NADK: variants seen among roughly 807,000 people sequenced by gnomAD.
The protein encoded by NADK is NAD kinase, also known as poly(P)/ATP NAD kinase.
Under a neutral mutation model 49.8 loss-of-function variants are expected in NADK, and 22 were observed. That is an observed-to-expected ratio of 0.44 (90% CI 0.32 to 0.63). The LOEUF is 0.63. Among genes scored for constraint, NADK ranks in the 30% least tolerant of loss-of-function variants. The probability of loss-of-function intolerance (pLI) is 0.06; values close to 1 mark genes in which losing one functional copy is unlikely to be tolerated. For synonymous variants in NADK, 268 were observed against 253.7 expected, an observed-to-expected ratio of 1.06 and a Z score of -0.54; for missense variants, 438 against 609.4, an observed-to-expected ratio of 0.72 and a Z score of 2.96.
At chr1:1,758,973 G>GC (rs1645625080) in intron 3 of NADK, 1 of 1,241,976 alleles carries the variant, frequency 8.1e-7, no homozygotes, top group Non-Finnish European at 1.1e-6. Flanking sequence ...CTAGCCCGCT[G>GC]CGTCACTCTG....
chr1:1,753,887 G>A (rs937519034), intron 10 of NADK, among the ~76,000 whole-genome samples, 164 bp downstream of exon 10: 4 of 152,250 alleles, frequency 2.6e-5, no homozygotes, highest in South Asian at 2.1e-4. Flanking sequence ...TCGGGCACCA[G>A]CAAGGGAAGG....
chr1:1,756,517 C>CAG lies in NADK; in HGVS notation c.483_484dup (p.Cys162SerfsTer15). 1 of 1,614,062 alleles carries CAG rather than the reference C, an allele frequency of 6.2e-7. No homozygotes were observed. The highest frequency in any genetic ancestry group is 8.5e-7 in the Non-Finnish European group (1 of 1,180,034). On this transcript the variant is annotated frameshift_variant, in exon 5 of 12. Coordinates refer to ENST00000341426, the MANE Select transcript of NADK (RefSeq NM_023018.5). LOFTEE classifies it high-confidence loss of function. ...TGACAGCCCACCTTCTCGAAAGGTA[C>CAG]AGAATTTCTTCTTCACTGCCCCAAA...
At position 1,752,461 on chromosome 1, in the gene NADK, G is replaced by A. The variant is rs1062090; in HGVS notation, c.*443C>T. ...CTCCGCCAGGGGCTTCCCTGCAGAAGTTTTAGGGGAAGAGGTGCAGGTCAA... is the reference window on the plus strand; with the variant it reads ...CTCCGCCAGGGGCTTCCCTGCAGAAATTTTAGGGGAAGAGGTGCAGGTCAA... On this transcript the variant is annotated 3_prime_UTR_variant, in exon 12 of 12. Transcript: ENST00000341426. 0.38 allele frequency: 59,083 copies of A among 154,142 alleles called. 13,732 individuals are homozygous for A. Among genetic ancestry groups the A allele is most frequent in the Admixed American group, 0.54 (8,337 of 15,390 alleles). 9.5% of individuals were successfully genotyped at this position (154,142 alleles called of 1,614,324 possible).
intron 1 of NADK, among the ~76,000 whole-genome samples, chr1:1,772,410 T>C (rs12038111): frequency 0.4 from 60,280 of 151,894 alleles, 14,421 homozygotes; most frequent in Admixed American, 0.55. Flanking sequence ...GCAATCTCTC[T>C]GCCTCAGCAT....
At position 1,752,754 on chromosome 1, in the gene NADK, G is replaced by A; in HGVS notation, c.*150C>T. 1 of 909,582 alleles carries A rather than the reference G, an allele frequency of 1.1e-6. No individual in the cohort carries two copies. The highest frequency in any genetic ancestry group is 1.7e-6 in the Non-Finnish European group (1 of 601,432). 56.3% of individuals were successfully genotyped at this position (909,582 alleles called of 1,614,324 possible). ...ACATTTTAAAAAAACAGCTGATCTG[G>A]ACAAAAGGCAGACCCAGGCTCTAAC... On this transcript the variant is annotated 3_prime_UTR_variant, in exon 12 of 12. Coordinates refer to ENST00000341426, the MANE Select transcript of NADK (RefSeq NM_023018.5).
In NADK at chr1:1,752,741, A is replaced by C; in HGVS notation, c.*163T>G. 1 of 782,072 alleles carries C rather than the reference A, an allele frequency of 1.3e-6. No individual in the cohort carries two copies. 48.4% of individuals were successfully genotyped at this position (782,072 alleles called of 1,614,324 possible). ...CAAAAAAAGTCAGACATTTTAAAAA[A>C]ACAGCTGATCTGGACAAAAGGCAGA... On this transcript the variant is annotated 3_prime_UTR_variant, in exon 12 of 12. Coordinates refer to ENST00000341426, the MANE Select transcript of NADK (RefSeq NM_023018.5).
At chr1:1,756,156 G>T (rs370892075) in intron 6 of NADK, 102 bp downstream of exon 6, 64 of 1,139,776 alleles carry the variant, frequency 5.6e-5, no homozygotes, top group Non-Finnish European at 8.1e-5. Flanking sequence ...GACTGCTCTC[G>T]TATAAAGGGG....
intron 2 of NADK, among the ~76,000 whole-genome samples, chr1:1,764,292 C>T (rs193294192): frequency 6.6e-6 from 1 of 152,342 alleles, no homozygotes; most frequent in African/African-American, 2.4e-5. Context: ...ACCTAAAACT[C>T]ACCACATTTA....
At chr1:1,770,646 G>A (rs1021197233) in intron 1 of NADK, among the ~76,000 whole-genome samples, 2 of 151,398 alleles carry the variant, frequency 1.3e-5, no homozygotes, top group Admixed American at 1.3e-4. Context: ...GCAGGAGAAT[G>A]GTGTGAACCC....
chr1:1,761,663 TC>T, intron 3 of NADK: 1 of 328,790 alleles, frequency 3.0e-6, no homozygotes, highest in Middle Eastern at 9.5e-4. Flanking sequence ...AGGCCCCGGC[TC>T]GCCTGCCGTC....
chr1:1,760,375 G>A (rs556326441), intron 3 of NADK, among the ~76,000 whole-genome samples: 8 of 152,318 alleles, frequency 5.3e-5, no homozygotes, highest in South Asian at 2.1e-4. Flanking sequence ...TGCCTGGGAC[G>A]CACGCTGCCG....
At chr1:1,772,290 G>GT (rs1200308292) in intron 1 of NADK, among the ~76,000 whole-genome samples, 1 of 151,792 alleles carries the variant, frequency 6.6e-6, no homozygotes, top group Admixed American at 6.6e-5. Context: ...AGCCTCCTGA[G>GT]TACCAGGGAC....
intron 3 of NADK, chr1:1,758,387 G>A: frequency 6.2e-7 from 1 of 1,610,976 alleles, no homozygotes; most frequent in South Asian, 1.1e-5. Flanking sequence ...TTACTGGGAG[G>A]CGTGGGGTCA....
intron 10 of NADK, 84 bp from the exon 11 acceptor site, chr1:1,753,733 G>T: frequency 2.4e-6 from 3 of 1,273,228 alleles, no homozygotes; most frequent in Non-Finnish European, 3.3e-6. Flanking sequence ...CTCGCCAGAG[G>T]TCGAAGGTTG....
chr1:1,756,730 C>A (rs1570514348), intron 4 of NADK, 122 bp from the exon 5 acceptor site: 8 of 1,540,636 alleles, frequency 5.2e-6, no homozygotes, highest in Middle Eastern at 1.7e-4. Flanking sequence ...CCCGCCCCCC[C>A]ACGCTCACGC....
intron 1 of NADK, among the ~76,000 whole-genome samples, chr1:1,771,112 CTT>C (rs1488309131): frequency 6.9e-6 from 1 of 144,320 alleles, no homozygotes; most frequent in African/African-American, 2.5e-5. Flanking sequence ...AAATATATAT[CTT>C]ATTAAAATAT....
At chr1:1,778,536 T>C (rs1468747459), upstream of NADK, 2 of 150,510 alleles carry the variant, frequency 1.3e-5, no homozygotes, top group Admixed American at 6.6e-5. This position sits in a 1 kb window ranked among gnomAD's most constrained non-coding sequence, Gnocchi z 4.9. Context: ...GTCTGCCGGG[T>C]CCCACCGGCG....
intron 1 of NADK, among the ~76,000 whole-genome samples, chr1:1,765,841 T>C (rs1197178906): frequency 5.3e-5 from 8 of 151,688 alleles, no homozygotes; most frequent in Admixed American, 3.3e-4. Context: ...ACCCAGGAGG[T>C]GGAGGCTGCA....
chr1:1,759,297 G>A (rs568250527), intron 3 of NADK: 244 of 1,490,820 alleles, frequency 1.6e-4, no homozygotes, highest in Middle Eastern at 1.5e-3. Context: ...GGTACTGCAC[G>A]GAGAGGGCAG....
Sources: gnomAD v4.1 joint callset for allele counts (sites outside exome capture counted in the v4.1 genomes callset) on GRCh38, gnomAD v4.1.1 for gene constraint, Gnocchi (gnomAD v3.1) non-coding constraint, MANE v1.5 for transcripts, NCBI Gene and HGNC (gene_info 2026-07-23, HGNC 2026-07-21) for gene names.